The following XRCC4 variants were observed in gnomAD, a reference collection of about 807,000 sequenced individuals.
XRCC4 encodes DNA repair protein XRCC4.
XRCC4 carries 28 observed loss-of-function variants against 39.1 expected under a neutral mutation model. The observed-to-expected ratio is 0.72, with a 90% CI of 0.53 to 0.98. The LOEUF is 0.98. Among genes scored for constraint, XRCC4 ranks in the 50% least tolerant of loss-of-function variants. The pLI is 0.00. For missense variants in XRCC4, 350 were observed against 376.4 expected (o/e 0.93, Z 0.58); for synonymous variants, 123 against 126.4 (o/e 0.97, Z 0.18).
intron 6 of XRCC4, among the ~76,000 whole-genome samples, chr5:83,234,384 A>G (rs1273090904): frequency 2.0e-5 from 3 of 152,086 alleles, no homozygotes; most frequent in Admixed American, 2.0e-4. Flanking sequence ...TTATTCATTC[A>G]TTTATTCACT....
intron 7 of XRCC4, among the ~76,000 whole-genome samples, chr5:83,321,319 A>G (rs544619142): frequency 2.0e-5 from 3 of 152,312 alleles, no homozygotes; most frequent in African/African-American, 7.2e-5. Flanking sequence ...CAGTAAGTTT[A>G]TATCAGTTTC....
At chr5:83,188,269 CA>C (rs537018179) in intron 3 of XRCC4, among the ~76,000 whole-genome samples, 42 of 152,164 alleles carry the variant, frequency 2.8e-4, no homozygotes, top group African/African-American at 9.4e-4. Context: ...GGGGTACTGG[CA>C]CAGTTGAGTT....
intron 6 of XRCC4, among the ~76,000 whole-genome samples, chr5:83,242,016 A>G (rs1752930555): frequency 6.6e-6 from 1 of 151,714 alleles, no homozygotes; most frequent in African/African-American, 2.4e-5. Flanking sequence ...TCAGGGTGGC[A>G]GAGTCGGAAG....
intron 3 of XRCC4, among the ~76,000 whole-genome samples, chr5:83,130,159 TGA>T (rs555567814): frequency 4.1e-4 from 62 of 151,978 alleles, no homozygotes; most frequent in African/African-American, 1.2e-3. Context: ...CCTAATTTAT[TGA>T]GAGTTTTTAG....
chr5:83,144,352 A>G (rs1315408487), intron 3 of XRCC4, among the ~76,000 whole-genome samples: 1 of 150,578 alleles, frequency 6.6e-6, no homozygotes, highest in Non-Finnish European at 1.5e-5. Flanking sequence ...AACTAATTTG[A>G]TCAAGTTTGT....
intron 6 of XRCC4, among the ~76,000 whole-genome samples, chr5:83,229,376 G>C (rs915670654): frequency 8.6e-5 from 13 of 151,602 alleles, no homozygotes; most frequent in Non-Finnish European, 1.5e-4. Context: ...ATATCGCCTT[G>C]GCAATCCTAA....
intron 6 of XRCC4, among the ~76,000 whole-genome samples, chr5:83,211,688 A>G (rs1396239802): frequency 6.6e-6 from 1 of 152,220 alleles, no homozygotes; most frequent in Non-Finnish European, 1.5e-5. Flanking sequence ...TCTATCAATT[A>G]CTGGCTGACG....
intron 5 of XRCC4, 66 bp from the exon 6 acceptor site, chr5:83,204,749 T>C: frequency 8.7e-7 from 1 of 1,142,954 alleles, no homozygotes; most frequent in Non-Finnish European, 1.3e-6. Flanking sequence ...AATTGCTTAC[T>C]GATAAATCTG....
intron 7 of XRCC4, among the ~76,000 whole-genome samples, chr5:83,272,417 T>C (rs186732427): frequency 1.3e-5 from 2 of 152,262 alleles, no homozygotes; most frequent in African/African-American, 4.8e-5. Context: ...ATTATTATTA[T>C]GTATTATACT....
At chr5:83,139,051 CATA>C (rs1452215853) in intron 3 of XRCC4, among the ~76,000 whole-genome samples, 2 of 152,116 alleles carry the variant, frequency 1.3e-5, no homozygotes, top group East Asian at 1.9e-4. Context: ...TTAACATTGA[CATA>C]GTAATCTACA....
chr5:83,207,485 A>G (rs1751464843), intron 6 of XRCC4, among the ~76,000 whole-genome samples: 1 of 151,802 alleles, frequency 6.6e-6, no homozygotes, highest in Non-Finnish European at 1.5e-5. Flanking sequence ...TTATTTTTGC[A>G]TTTAACTTGC....
At chr5:83,364,186 T>A in the XRCC4 span, among the ~76,000 whole-genome samples, 1 of 152,184 alleles carries the variant, frequency 6.6e-6, no homozygotes, top group African/African-American at 2.4e-5. Context: ...AATATCCTTT[T>A]TGCCCAAGAA....
At chr5:83,368,609 A>T in the XRCC4 span, among the ~76,000 whole-genome samples, 6 of 152,188 alleles carry the variant, frequency 3.9e-5, no homozygotes, top group African/African-American at 1.2e-4. Flanking sequence ...CCCCTGGTGC[A>T]AGGCACTATT....
chr5:83,327,912 C>G (rs1402309830), intron 7 of XRCC4, among the ~76,000 whole-genome samples: 1 of 152,022 alleles, frequency 6.6e-6, no homozygotes, highest in Non-Finnish European at 1.5e-5. Context: ...AGGTCCTAGC[C>G]AGTGCATGCA....
chr5:83,278,285 G>A (rs1380778338), intron 7 of XRCC4, among the ~76,000 whole-genome samples: 1 of 152,212 alleles, frequency 6.6e-6, no homozygotes, highest in Non-Finnish European at 1.5e-5. Context: ...CAATGCAGAT[G>A]ATCTGGAAAC....
chr5:83,273,210 G>A (rs901818893), intron 7 of XRCC4, among the ~76,000 whole-genome samples: 1 of 152,162 alleles, frequency 6.6e-6, no homozygotes, highest in Non-Finnish European at 1.5e-5. Flanking sequence ...TCTGTTGGCT[G>A]CATAAATGTC....
At position 83,257,689 on chromosome 5, in the gene XRCC4, A is replaced by G. The variant is rs148298602; in HGVS notation, c.746-841A>G. ...TGACCCAGCAATCCCATTACTGGGT[A>G]TATACCCAAAGTATTCTAAATCATT... On this transcript the variant is annotated intron_variant, in intron 6 of 7. Coordinates refer to ENST00000396027, the MANE Select transcript of XRCC4 (RefSeq NM_003401.5). Among the ~76,000 whole-genome samples the G allele has an allele frequency of 2.8e-3, 433 of 152,346 alleles. 11 individuals carry two copies. In the East Asian group the frequency reaches 0.072, roughly 25 times the overall value.
chr5:83,132,748 T>C (rs1747665115), intron 3 of XRCC4, among the ~76,000 whole-genome samples: 1 of 152,154 alleles, frequency 6.6e-6, no homozygotes, highest in Non-Finnish European at 1.5e-5. Flanking sequence ...ATTTAAGGTC[T>C]CTTCTATGCT....
chr5:83,136,666 A>G (rs932576508), intron 3 of XRCC4, among the ~76,000 whole-genome samples: 1 of 152,176 alleles, frequency 6.6e-6, no homozygotes, highest in Non-Finnish European at 1.5e-5. Flanking sequence ...TTGGTTACCT[A>G]CATTCTGAAT....
Sources: gnomAD v4.1 joint callset for allele counts (sites outside exome capture counted in the v4.1 genomes callset) on GRCh38, gnomAD v4.1.1 for gene constraint, MANE v1.5 for transcripts, NCBI Gene and HGNC (gene_info 2026-07-23, HGNC 2026-07-21) for gene names.